The following ITFG2 variants were observed in gnomAD, a reference collection of about 807,000 sequenced individuals.
ITFG2 encodes integrin alpha FG-GAP repeat containing 2.
ITFG2 carries 36 observed loss-of-function variants against 54.4 expected under a neutral mutation model. The ratio of observed to expected loss-of-function variants is 0.66; its 90% CI spans 0.51 to 0.87. The LOEUF (loss-of-function observed/expected upper bound fraction) is 0.87, where lower values mean the gene tolerates loss of function less well. ITFG2 is among the 40% of genes least tolerant of loss of function. ITFG2 has a pLI of 0.00. For synonymous variants in ITFG2, 211 were observed against 225.4 expected, an observed-to-expected ratio of 0.94 and a Z score of 0.57; for missense variants, 524 against 576.7, an observed-to-expected ratio of 0.91 and a Z score of 0.94.
Position 2,845,854 on chromosome 12 carries a change from G to A in ITFG2, n.300+4859G>A, listed in dbSNP as rs2098052026. ...TGCCAGCCAAGTGTATGTAGGCTGAGCTGGGGTGATTTTCTTTTTCTTTTT... is the reference window on the plus strand; with the variant it reads ...TGCCAGCCAAGTGTATGTAGGCTGAACTGGGGTGATTTTCTTTTTCTTTTT... On this transcript the variant is annotated intron_variant and non_coding_transcript_variant, in intron 2 of 3. Transcript: ENST00000537710. The surrounding 1 kb of genome is among the most constrained non-coding windows in gnomAD (Gnocchi z 4.2). 6.7e-6 allele frequency among the ~76,000 whole-genome samples: 1 copy of A among 149,712 alleles called. No individual in the cohort carries two copies. Among genetic ancestry groups the A allele is most frequent in the Non-Finnish European group, 1.5e-5 (1 of 67,888 alleles).
At chr12:2,834,692 C>T (rs777117189), upstream of ITFG2, 30 of 1,613,268 alleles carry the variant, frequency 1.9e-5, no homozygotes, top group Non-Finnish European at 2.3e-5. Context: ...GGGAGCAGGT[C>T]GGCCGAGTCC....
exon 3 of ITFG2, chr12:2,858,030 A>ACGGGGAGGTGG (rs1491064186): frequency 2.6e-5 from 4 of 152,762 alleles, no homozygotes; most frequent in African/African-American, 9.6e-5. Context: ...ACTTGGAAAC[A>ACGGGGAGGTGG]CGGGGAGGTG....
Position 2,821,312 on chromosome 12 carries a change from T to C in ITFG2, c.746T>C (p.Ile249Thr), listed in dbSNP as rs781729304. Residue 249 changes from isoleucine (I) to threonine (T), a missense_variant, in exon 7 of 12, where the codon ATC (isoleucine) becomes ACC (threonine). Coordinates refer to ENST00000228799, the MANE Select transcript of ITFG2 (RefSeq NM_018463.4). ...DVVLHQTSGR[I>T]HNKNVSTHLI... ...GTGCTGCACCAGACATCTGGCCGTA[T>C]CCACAACAAGAATGTCTCCACTCAC... 4 of 1,610,434 alleles carry C rather than the reference T, an allele frequency of 2.5e-6. No homozygotes were observed. Among genetic ancestry groups the C allele is most frequent in the Non-Finnish European group, 3.4e-6 (4 of 1,178,366 alleles).
upstream of ITFG2, chr12:2,834,569 G>A: frequency 6.6e-7 from 1 of 1,512,308 alleles, no homozygotes. Context: ...TTCTGGTCCT[G>A]CCTCCTGCTC....
intron 1 of ITFG2, among the ~76,000 whole-genome samples, chr12:2,839,213 C>T (rs2098035298): frequency 6.6e-6 from 1 of 152,100 alleles, no homozygotes; most frequent in Non-Finnish European, 1.5e-5. Context: ...ATCACTTGAA[C>T]CTGAAAGGCA....
chr12:2,848,817 GCTT>G (rs1242704050), intron 2 of ITFG2, among the ~76,000 whole-genome samples: 1 of 151,688 alleles, frequency 6.6e-6, no homozygotes, highest in Non-Finnish European at 1.5e-5. Context: ...AGTGGAGATA[GCTT>G]CTTCTTATCC....
upstream of ITFG2, among the ~76,000 whole-genome samples, chr12:2,836,351 T>G (rs182006083): frequency 3.0e-3 from 460 of 152,326 alleles, 9 homozygotes; most frequent in Admixed American, 0.027. Flanking sequence ...GGAAACGCAT[T>G]GGCCAAGCAC....
chr12:2,818,094 T>A lies in ITFG2; in HGVS notation c.235-12T>A, dbSNP rs1173657096. Reference sequence around the variant, plus strand: ...CCCCAGTCCATCTCTACTATACCTCTGTTTGTCCTAGAACCTGTTGGTGGC... The same window carrying A: ...CCCCAGTCCATCTCTACTATACCTCAGTTTGTCCTAGAACCTGTTGGTGGC... On this transcript the variant is annotated splice_polypyrimidine_tract_variant and intron_variant, in intron 3 of 11. Coordinates refer to ENST00000228799, the MANE Select transcript of ITFG2 (RefSeq NM_018463.4). 3 of 1,613,556 alleles carry A rather than the reference T, an allele frequency of 1.9e-6. No individual in the cohort carries two copies. Among genetic ancestry groups the A allele is most frequent in the Non-Finnish European group, 2.5e-6 (3 of 1,179,448 alleles).
At chr12:2,822,661 A>T (rs1472592859) in intron 9 of ITFG2, 133 bp from the exon 10 acceptor site, 1 of 739,390 alleles carries the variant, frequency 1.4e-6, no homozygotes, top group Non-Finnish European at 2.4e-6. Flanking sequence ...TGTGAGCATT[A>T]TGTGAGGTGG....
chr12:2,815,359 C>T (rs2097919108), intron 1 of ITFG2, among the ~76,000 whole-genome samples: 1 of 152,214 alleles, frequency 6.6e-6, no homozygotes, highest in Admixed American at 6.5e-5. Flanking sequence ...TCGTGAGCCC[C>T]TGTAAAGGGC....
chr12:2,823,966 G>A, intron 11 of ITFG2, 23 bp downstream of exon 11: 1 of 1,611,804 alleles, frequency 6.2e-7, no homozygotes, highest in South Asian at 1.1e-5. Flanking sequence ...AAAGCCAGTG[G>A]CCCGAGTGCC....
intron 1 of ITFG2, among the ~76,000 whole-genome samples, chr12:2,839,893 A>T (rs1043805262): frequency 2.0e-5 from 3 of 152,180 alleles, no homozygotes; most frequent in Non-Finnish European, 4.4e-5. Context: ...TATAAGCGGG[A>T]GCTAAACAAT....
At chr12:2,853,796 G>T (rs1245892780) in intron 2 of ITFG2, among the ~76,000 whole-genome samples, 3 of 152,066 alleles carry the variant, frequency 2.0e-5, no homozygotes, top group Non-Finnish European at 2.9e-5. Flanking sequence ...GGGTGGCCGG[G>T]AGGGGGAGCT....
chr12:2,819,234 G>A lies in ITFG2; in HGVS notation c.407-852G>A, dbSNP rs148405208. 9.2e-4 allele frequency among the ~76,000 whole-genome samples: 140 copies of A among 152,192 alleles called. 1 individual carries two copies. Among genetic ancestry groups the A allele is most frequent in the Non-Finnish European group, 1.8e-3 (121 of 68,022 alleles). On this transcript the variant is annotated intron_variant, in intron 4 of 11. Coordinates refer to ENST00000228799, the MANE Select transcript of ITFG2 (RefSeq NM_018463.4). ...AATCCCAACACTTTGGGAAGCCGAG[G>A]AGGGCAGACCACAAGGTCAGGAGAC...
intron 1 of ITFG2, among the ~76,000 whole-genome samples, chr12:2,837,974 G>C (rs1394945755): frequency 1.3e-5 from 2 of 152,160 alleles, no homozygotes; most frequent in African/African-American, 4.8e-5. Flanking sequence ...TGATAAACAC[G>C]GAAAGAAAAC....
At chr12:2,830,617 C>G in intron 2 of ITFG2, 1 of 1,379,898 alleles carries the variant, frequency 7.2e-7, no homozygotes, top group Non-Finnish European at 9.8e-7. Flanking sequence ...CCCTCCCTCC[C>G]TCTCCCATCA....
rs903978022 is a variant in ITFG2 at position 2,854,344 on chromosome 12, C to G, written n.301-3668C>G. 3.3e-5 allele frequency among the ~76,000 whole-genome samples: 5 copies of G among 152,322 alleles called. No homozygotes were observed. In the East Asian group the frequency reaches 9.7e-4, roughly 29 times the overall value. On this transcript the variant is annotated intron_variant and non_coding_transcript_variant, in intron 2 of 3. Coordinates refer to the ITFG2 transcript ENST00000537710. ...CCTGCCATAACATCTAACTTTTGTT[C>G]AGTTCTTCCACATATTCACTAGCTC...
intron 2 of ITFG2, among the ~76,000 whole-genome samples, chr12:2,847,158 A>G (rs761875970): frequency 2.0e-5 from 3 of 152,194 alleles, no homozygotes; most frequent in Non-Finnish European, 4.4e-5. Context: ...AATGTTTTCA[A>G]GGTTTATCCA....
At chr12:2,849,336 T>C (rs1434975896) in intron 2 of ITFG2, 1 of 1,536,130 alleles carries the variant, frequency 6.5e-7, no homozygotes, top group Non-Finnish European at 8.7e-7. Context: ...TTATCAGGGT[T>C]TGGAAATCCC....
Sources: allele counts gnomAD v4.1 joint callset (sites outside exome capture counted in the v4.1 genomes callset), GRCh38; gene constraint gnomAD v4.1.1; non-coding constraint Gnocchi (gnomAD v3.1); transcripts MANE v1.5; gene names NCBI Gene and HGNC (gene_info 2026-07-23, HGNC 2026-07-21).